Variants in MALRD1 observed in about 807,000 individuals in gnomAD.
MALRD1 encodes MAM and LDL-receptor class A domain-containing protein 1.
In MALRD1, 247 loss-of-function variants were observed where a neutral mutation model predicts 242.1. The observed-to-expected ratio is 1.02, with a 90% CI of 0.92 to 1.13. The LOEUF (loss-of-function observed/expected upper bound fraction) is 1.13, where lower values mean the gene tolerates loss of function less well. Among genes scored for constraint, MALRD1 ranks in the 50% most tolerant of loss-of-function variants. The pLI is 0.00. For synonymous variants in MALRD1, 995 were observed against 866.6 expected, an observed-to-expected ratio of 1.15 and a Z score of -2.60; for missense variants, 2,989 against 2,533.1, an observed-to-expected ratio of 1.18 and a Z score of -3.86.
chr10:19,568,102 T>TC (rs1836337119), intron 33 of MALRD1, among the ~76,000 whole-genome samples: 1 of 152,120 alleles, frequency 6.6e-6, no homozygotes, highest in African/African-American at 2.4e-5. Context: ...ACGTTCCTTC[T>TC]CCTAACCGTT....
At chr10:19,547,731 G>A (rs1835270189) in intron 32 of MALRD1, among the ~76,000 whole-genome samples, 2 of 124,786 alleles carry the variant, frequency 1.6e-5, no homozygotes, top group Admixed American at 1.9e-4. Flanking sequence ...ATCTATCAGG[G>A]AGCTACAGCA....
At chr10:19,197,500 T>G (rs947983823) in intron 14 of MALRD1, among the ~76,000 whole-genome samples, 1 of 152,154 alleles carries the variant, frequency 6.6e-6, no homozygotes, top group East Asian at 1.9e-4. Context: ...CTACCCTCAC[T>G]CATTGTCCTT....
chr10:19,670,884 T>A (rs531869028), intron 36 of MALRD1, among the ~76,000 whole-genome samples: 54 of 151,256 alleles, frequency 3.6e-4, no homozygotes, highest in African/African-American at 1.3e-3. Context: ...CAATCATTTT[T>A]TTTTTTTTTT....
At chr10:19,178,758 C>G (rs1835367299) in intron 14 of MALRD1, among the ~76,000 whole-genome samples, 1 of 152,150 alleles carries the variant, frequency 6.6e-6, no homozygotes. Context: ...GGTGAGGATG[C>G]AGGTTGTATT....
At chr10:19,344,082 A>G (rs563888337) in intron 24 of MALRD1, among the ~76,000 whole-genome samples, 2 of 152,208 alleles carry the variant, frequency 1.3e-5, no homozygotes, top group Admixed American at 1.3e-4. Flanking sequence ...TGTGAATGGC[A>G]GATATTTTCT....
intron 29 of MALRD1, among the ~76,000 whole-genome samples, chr10:19,461,772 A>G (rs1835958435): frequency 6.6e-6 from 1 of 152,102 alleles, no homozygotes; most frequent in African/African-American, 2.4e-5. Flanking sequence ...TGAGCCTGGG[A>G]GGTTGAGGCT....
chr10:19,072,265 T>G (rs1387804499), intron 2 of MALRD1, among the ~76,000 whole-genome samples: 1 of 152,118 alleles, frequency 6.6e-6, no homozygotes, highest in Non-Finnish European at 1.5e-5. Flanking sequence ...AGCAAATATT[T>G]TAGGCTTTTT....
intron 26 of MALRD1, among the ~76,000 whole-genome samples, chr10:19,362,556 C>G (rs1480115296): frequency 2.0e-5 from 3 of 151,966 alleles, no homozygotes; most frequent in Non-Finnish European, 4.4e-5. Context: ...GTGATGGTAC[C>G]AAGACAGGGC....
chr10:19,387,576 GGCTGGAACAAA>G lies in MALRD1; in HGVS notation c.4495_4505del (p.Glu1499Ter). 6.4e-7 allele frequency: 1 copy of G among 1,550,454 alleles called. No homozygotes were observed. Among genetic ancestry groups the G allele is most frequent in the South Asian group, 1.2e-5 (1 of 84,056 alleles). On this transcript the variant is annotated frameshift_variant, in exon 27 of 40. Coordinates refer to ENST00000454679, the MANE Select transcript of MALRD1 (RefSeq NM_001142308.3). LOFTEE classifies it high-confidence loss of function. The stretch of plus-strand genomic sequence containing the variant: ...GAATGTCATAATGGAAAATGCTATA[GGCTGGAACAAA>G]GCTGTAACTTCGTAGATAACTGTGG...
intron 28 of MALRD1, among the ~76,000 whole-genome samples, chr10:19,408,678 C>T (rs1288677000): frequency 3.9e-5 from 6 of 152,218 alleles, no homozygotes; most frequent in Middle Eastern, 3.4e-3. Context: ...AGGTTTTCAA[C>T]ATCAGTAGAC....
intron 21 of MALRD1, among the ~76,000 whole-genome samples, chr10:19,283,745 A>T (rs1554825353): frequency 6.6e-6 from 1 of 152,204 alleles, no homozygotes; most frequent in Non-Finnish European, 1.5e-5. Flanking sequence ...CACTGTAATG[A>T]CTTTCAACAA....
chr10:19,315,186 A>T (rs992506386), intron 21 of MALRD1, among the ~76,000 whole-genome samples: 1 of 127,528 alleles, frequency 7.8e-6, no homozygotes, highest in African/African-American at 3.0e-5. Flanking sequence ...ATAAATATAT[A>T]AATATAATTT....
chr10:19,290,097 T>C (rs1310703636), intron 21 of MALRD1: 1 of 152,204 alleles, frequency 6.6e-6, no homozygotes, highest in African/African-American at 2.4e-5. Flanking sequence ...TAGTTGAGTC[T>C]TAGGCAAGGT....
At chr10:19,504,251 A>G (rs1838098176) in intron 31 of MALRD1, among the ~76,000 whole-genome samples, 1 of 152,188 alleles carries the variant, frequency 6.6e-6, no homozygotes, top group African/African-American at 2.4e-5. Context: ...GCAAAGCCGG[A>G]GTGGAAACCC....
intron 21 of MALRD1, among the ~76,000 whole-genome samples, chr10:19,320,266 T>C (rs1250431049): frequency 2.6e-5 from 4 of 151,948 alleles, no homozygotes; most frequent in Non-Finnish European, 4.4e-5. Flanking sequence ...TTCCCCTTCC[T>C]GTGTCCATGT....
intron 32 of MALRD1, among the ~76,000 whole-genome samples, chr10:19,558,746 G>T (rs1835834235): frequency 6.6e-6 from 1 of 152,048 alleles, no homozygotes; most frequent in Non-Finnish European, 1.5e-5. Flanking sequence ...GTTTTGAAAG[G>T]TTATTAATAA....
At chr10:19,225,936 G>A (rs1837780857) in intron 18 of MALRD1, among the ~76,000 whole-genome samples, 1 of 152,096 alleles carries the variant, frequency 6.6e-6, no homozygotes, top group Non-Finnish European at 1.5e-5. Context: ...GCTGCCACAG[G>A]TAATGACAGC....
At chr10:19,618,212 T>A (rs1376486842) in intron 36 of MALRD1, among the ~76,000 whole-genome samples, 1 of 152,084 alleles carries the variant, frequency 6.6e-6, no homozygotes, top group African/African-American at 2.4e-5. Flanking sequence ...ATGTACCACA[T>A]TTCCTTTATC....
chr10:19,624,178 C>T (rs545630119), intron 36 of MALRD1, among the ~76,000 whole-genome samples: 2 of 152,132 alleles, frequency 1.3e-5, no homozygotes, highest in East Asian at 3.9e-4. Flanking sequence ...CTGTAGGCAC[C>T]GTTCTAACAC....
Sources: gnomAD v4.1 joint callset for allele counts (sites outside exome capture counted in the v4.1 genomes callset) on GRCh38, gnomAD v4.1.1 for gene constraint, MANE v1.5 for transcripts, NCBI Gene and HGNC (gene_info 2026-07-23, HGNC 2026-07-21) for gene names.